The following PTPRN variants were observed in gnomAD, a reference collection of about 807,000 sequenced individuals.
PTPRN encodes receptor-type tyrosine-protein phosphatase-like N.
PTPRN carries 70 observed loss-of-function variants against 108.5 expected under a neutral mutation model. The ratio of observed to expected loss-of-function variants is 0.65; its 90% CI spans 0.53 to 0.79. PTPRN has a LOEUF of 0.79. Among genes scored for constraint, PTPRN ranks in the 30% least tolerant of loss-of-function variants. The pLI is 0.00. For synonymous variants in PTPRN, 496 were observed against 524.6 expected (o/e 0.95, Z 0.75); for missense variants, 1,136 against 1,295.5 (o/e 0.88, Z 1.89).
chr2:219,302,256 C>T lies in PTPRN; in HGVS notation c.875G>A (p.Arg292Lys), dbSNP rs1190323088. 1 of 1,614,202 alleles carries T rather than the reference C, an allele frequency of 6.2e-7. No individual in the cohort carries two copies. Among genetic ancestry groups the T allele is most frequent in the Non-Finnish European group, 8.5e-7 (1 of 1,180,014 alleles). ...CCCTTGCTCTGGCAGCCTTGGCACC[C>T]TGGCCCTGCTGGGTGCTGGCAACTC... ...AQELPAPSRARVPRLPEQGSS... is the reference protein window; with the variant it reads ...AQELPAPSRAKVPRLPEQGSS... The change falls in exon 6 of 23, where the codon AGG (arginine) becomes AAG (lysine). Residue 292 changes from arginine (R) to lysine (K), a missense_variant. Arg to Lys is a conservative substitution (Grantham distance 26, BLOSUM62 2). Transcript: ENST00000295718.
At chr2:219,301,942 A>AG (rs1378204510) in intron 6 of PTPRN, among the ~76,000 whole-genome samples, 195 bp downstream of exon 6, 3 of 152,214 alleles carry the variant, frequency 2.0e-5, no homozygotes, top group Admixed American at 6.5e-5. Flanking sequence ...CTCCACTGGA[A>AG]GGAGAGTCAC....
intron 8 of PTPRN, 146 bp downstream of exon 8, chr2:219,300,797 A>G: frequency 2.4e-6 from 2 of 829,458 alleles, no homozygotes; most frequent in South Asian, 3.3e-5. Flanking sequence ...ACCTTAGGCA[A>G]TAACTTGCGG....
chr2:219,297,837 C>T lies in PTPRN; in HGVS notation c.1887+48G>A. 6.5e-7 allele frequency: 1 copy of T among 1,544,412 alleles called. No individual in the cohort carries two copies. Among genetic ancestry groups the T allele is most frequent in the Non-Finnish European group, 8.8e-7 (1 of 1,142,466 alleles). On this transcript the variant is annotated intron_variant, in intron 13 of 22. Transcript: ENST00000295718. The surrounding 1 kb of genome is among the most constrained non-coding windows in gnomAD (Gnocchi z 6.0). Reference sequence around the variant, plus strand: ...TTAGTCCACGCAAGACCCAGACTCCCAGGCCCCTTGCATTTCCTTTGCTCA... The same window carrying T: ...TTAGTCCACGCAAGACCCAGACTCCTAGGCCCCTTGCATTTCCTTTGCTCA...
rs762625583 is a variant in PTPRN at position 219,297,920 on chromosome 2, C to G, written c.1852G>C (p.Glu618Gln). 1 of 1,612,430 alleles carries G rather than the reference C, an allele frequency of 6.2e-7. No individual in the cohort carries two copies. The highest frequency in any genetic ancestry group is 1.7e-5 in the Admixed American group (1 of 59,888). ...DKERLAALGP[E>Q]GAHGDTTFEY... ...AAGGTAGTGTCACCATGGGCCCCCTCAGGCCCCAGGGCTGCCAGGCGCTCC... is the reference window on the plus strand; with the variant it reads ...AAGGTAGTGTCACCATGGGCCCCCTGAGGCCCCAGGGCTGCCAGGCGCTCC... Residue 618 changes from glutamate (E) to glutamine (Q), a missense_variant, in exon 13 of 23, where the codon GAG (glutamate) becomes CAG (glutamine). By Grantham distance (29) the Glu-to-Gln change is conservative. Coordinates refer to ENST00000295718, the MANE Select transcript of PTPRN (RefSeq NM_002846.4). The surrounding 1 kb of genome is among the most constrained non-coding windows in gnomAD (Gnocchi z 6.0).
Position 219,291,520 on chromosome 2 carries a change from C to T in PTPRN, c.2679G>A (p.Lys893=), listed in dbSNP as rs774996322. 4 of 1,613,824 alleles carry T rather than the reference C, an allele frequency of 2.5e-6. No individual in the cohort carries two copies. Among genetic ancestry groups the T allele is most frequent in the Non-Finnish European group, 3.4e-6 (4 of 1,179,986 alleles). The change falls in exon 20 of 23, where the codon AAG becomes AAA. Residue 893 remains lysine (K), a synonymous_variant. Coordinates refer to ENST00000295718, the MANE Select transcript of PTPRN (RefSeq NM_002846.4). ...AGCGGCCCCGGTAGCACTTGTTCACCTTCCTGCAACAAGAAATGGGTGTGA... is the reference window on the plus strand; with the variant it reads ...AGCGGCCCCGGTAGCACTTGTTCACTTTCCTGCAACAAGAAATGGGTGTGA... ...STRPLLDFRR[K]VNKCYRGRSC...
chr2:219,297,556 G>A lies in PTPRN; in HGVS notation c.1888-123C>T. On this transcript the variant is annotated intron_variant, in intron 13 of 22. Transcript: ENST00000295718. The surrounding 1 kb of genome is among the most constrained non-coding windows in gnomAD (Gnocchi z 6.0). ...TTTTCAGTGGAACTCAGCTCCTCTG[G>A]GGTATGGTCTTCTGCCTGGCCCTGA... 1 of 979,152 alleles carries A rather than the reference G, an allele frequency of 1.0e-6. No individual in the cohort carries two copies. Among genetic ancestry groups the A allele is most frequent in the South Asian group, 1.6e-5 (1 of 63,438 alleles). The allele number at this position is 979,152 out of a possible 1,614,324, so 60.7% of individuals were successfully genotyped here.
In PTPRN at chr2:219,299,402, T is replaced by C. The variant is rs757019177; in HGVS notation, c.1524-18A>G. The C allele has an allele frequency of 4.1e-5, 66 of 1,612,282 alleles. 2 individuals are homozygous for C. In the South Asian group the frequency reaches 6.8e-4, roughly 17 times the overall value. On this transcript the variant is annotated intron_variant, in intron 10 of 22. Coordinates refer to ENST00000295718, the MANE Select transcript of PTPRN (RefSeq NM_002846.4). ...CCACCACACTGCCAGATAGGAGCTA[T>C]GTTACTGCCTTCTCCACCCCAGACC...
Position 219,302,764 on chromosome 2 carries a change from G to C in PTPRN, c.451C>G (p.Pro151Ala). Residue 151 changes from proline (P) to alanine (A), a missense_variant, in exon 5 of 23, where the codon CCT becomes GCT. Physicochemically the swap from Pro to Ala is conservative, Grantham distance 27 (BLOSUM62 -1). Coordinates refer to ENST00000295718, the MANE Select transcript of PTPRN (RefSeq NM_002846.4). Reference sequence around the variant, plus strand: ...TGTGGAAGCCGATGCTGGGCAGCAGGGGCGGAGCCAGTGGGGATGTCCTGT... The same window carrying C: ...TGTGGAAGCCGATGCTGGGCAGCAGCGGCGGAGCCAGTGGGGATGTCCTGT... ...LLQDIPTGSA[P>A]AAQHRLPQPP... The C allele has an allele frequency of 6.2e-7, 1 of 1,613,828 alleles. No individual in the cohort carries two copies. Among genetic ancestry groups the C allele is most frequent in the Non-Finnish European group, 8.5e-7 (1 of 1,179,922 alleles).
At chr2:219,300,486 A>C (rs981621908) in intron 8 of PTPRN, 1 of 510,930 alleles carries the variant, frequency 2.0e-6, no homozygotes, top group Admixed American at 3.7e-5. Context: ...ACTAATCCAC[A>C]GAATGGGGCT....
At chr2:219,292,092 G>A (rs570902528) in intron 19 of PTPRN, 3 of 160,026 alleles carry the variant, frequency 1.9e-5, no homozygotes, top group Admixed American at 5.8e-5. Flanking sequence ...GGCTCCAGTG[G>A]TCCTTACCAG....
chr2:219,301,688 C>T lies in PTPRN; in HGVS notation c.1026G>A (p.Leu342=). The T allele has an allele frequency of 1.2e-6, 2 of 1,612,820 alleles. No homozygotes were observed. Among genetic ancestry groups the T allele is most frequent in the Non-Finnish European group, 1.7e-6 (2 of 1,178,942 alleles). ...GACGCAGCTCTACCCCATAGCCCGC[C>T]AGCACAGCGGCCAGCCTCTGCAGAG... ...DAALQRLAAV[L]AGYGVELRQL... The change falls in exon 7 of 23, where the codon CTG becomes CTA. Residue 342 remains leucine (L), a synonymous_variant. Transcript: ENST00000295718.
chr2:219,307,838 A>T lies in PTPRN; in HGVS notation c.120T>A (p.Cys40Ter). ...GAGAGCAGAGCCTGCGGTCAAATAG[A>T]CAGCCTGTAGAGGAAAAGGTGAGCA... ...GGCSAVSAHG[C>*]LFDRRLCSHL... The change falls in exon 2 of 23, where the codon TGT becomes TGA. Residue 40 changes from cysteine to a stop codon, truncating the protein, a stop_gained. Transcript: ENST00000295718. LOFTEE classifies it high-confidence loss of function. 7 of 1,614,178 alleles carry T rather than the reference A, an allele frequency of 4.3e-6. No individual in the cohort carries two copies. Among genetic ancestry groups the T allele is most frequent in the Non-Finnish European group, 5.9e-6 (7 of 1,180,008 alleles).
chr2:219,309,122 T>A, intron 1 of PTPRN, 96 bp downstream of exon 1: 1 of 1,413,372 alleles, frequency 7.1e-7, no homozygotes, highest in Non-Finnish European at 9.5e-7. Flanking sequence ...CTCCCCGAGC[T>A]TCATGACATT....
At chr2:219,300,550 C>T (rs1952320675) in intron 8 of PTPRN, 1 of 464,384 alleles carries the variant, frequency 2.2e-6, no homozygotes. Flanking sequence ...AAAAGACAAA[C>T]AGGCAGGCGA....
chr2:219,291,439 G>A, intron 20 of PTPRN, 31 bp downstream of exon 20: 1 of 1,608,970 alleles, frequency 6.2e-7, no homozygotes. Context: ...CAGGGAGTGG[G>A]ACCAGAGAGA....
Position 219,302,806 on chromosome 2 carries a change from C to T in PTPRN, c.409G>A (p.Ala137Thr), listed in dbSNP as rs1294579132. ...SGLAPKRPGP[A>T]GELLLQDIPT... ...ATGTCCTGTAAAAGCAGCTCTCCAG[C>T]AGGACCAGGTCTCTTGGGTGCCAAG... The change falls in exon 5 of 23, where the codon GCT (alanine) becomes ACT (threonine). Residue 137 changes from alanine to threonine, a missense_variant. Physicochemically the swap from Ala to Thr is moderately conservative, Grantham distance 58 (BLOSUM62 0). Transcript: ENST00000295718. The T allele has an allele frequency of 1.9e-6, 3 of 1,613,328 alleles. No homozygotes were observed. Among genetic ancestry groups the T allele is most frequent in the Non-Finnish European group, 2.5e-6 (3 of 1,179,832 alleles).
In PTPRN at chr2:219,303,769, TG is replaced by T; in HGVS notation, c.342del (p.Arg115GlyfsTer85). 6.2e-7 allele frequency: 1 copy of T among 1,614,110 alleles called. No individual in the cohort carries two copies. Among genetic ancestry groups the T allele is most frequent in the Non-Finnish European group, 8.5e-7 (1 of 1,179,986 alleles). On this transcript the variant is annotated frameshift_variant, in exon 4 of 23. Transcript: ENST00000295718. LOFTEE classifies it high-confidence loss of function. ...GGACGGGGCTCTGGGGGGCGAAGCC[TG>T]GGGATGCGCTCCATCTCCTGAGAGA... is the stretch of plus-strand genomic sequence containing the variant. Reference protein sequence around the residue: ...YVISQEMERIPRLRPPEPRPR... With the variant: ...YVISQEMERIXRLRPPEPRPR...
rs2125096068 is a variant in PTPRN at position 219,302,691 on chromosome 2, G to A, written c.524C>T (p.Pro175Leu). Residue 175 changes from proline to leucine, a missense_variant, in exon 5 of 23, where the codon CCT becomes CTT. Transcript: ENST00000295718. ...GGAGASSSLS[P>L]LQAELLPPLL... ...AGGCGGGAGCAGCTCAGCCTGCAGA[G>A]GGGACAGAGAGGAGCTGGCCCCAGC... 1 of 1,613,398 alleles carries A rather than the reference G, an allele frequency of 6.2e-7. No homozygotes were observed. Among genetic ancestry groups the A allele is most frequent in the Non-Finnish European group, 8.5e-7 (1 of 1,179,852 alleles).
intron 19 of PTPRN, 97 bp downstream of exon 19, chr2:219,294,878 C>G (rs1002385811): frequency 3.5e-5 from 45 of 1,268,732 alleles, no homozygotes; most frequent in Non-Finnish European, 4.5e-5. Flanking sequence ...GAGGCCGAGG[C>G]TCCAGGCCCG....
Sources: allele counts gnomAD v4.1 joint callset (sites outside exome capture counted in the v4.1 genomes callset), GRCh38; gene constraint gnomAD v4.1.1; non-coding constraint Gnocchi (gnomAD v3.1); transcripts MANE v1.5; gene names NCBI Gene and HGNC (gene_info 2026-07-23, HGNC 2026-07-21).